BTBD7: variants seen among roughly 807,000 people sequenced by gnomAD.
BTBD7 encodes the protein BTB/POZ domain-containing protein 7.
A neutral mutation model predicts 99.9 loss-of-function variants in BTBD7; 38 were observed. The ratio of observed to expected loss-of-function variants is 0.38; its 90% confidence interval spans 0.29 to 0.50. BTBD7 has a LOEUF of 0.50. BTBD7 is among the 20% of genes least tolerant of loss of function. The pLI is 0.93. For synonymous variants in BTBD7, 520 were observed against 511.4 expected, an observed-to-expected ratio of 1.02 and a Z score of -0.23; for missense variants, 1,170 against 1,394.6, an observed-to-expected ratio of 0.84 and a Z score of 2.57.
intron 1 of BTBD7, among the ~76,000 whole-genome samples, chr14:93,320,849 G>A (rs2053261413): frequency 6.6e-6 from 1 of 151,958 alleles, no homozygotes; most frequent in Non-Finnish European, 1.5e-5. Context: ...AGGTTAAACA[G>A]TATAAATGAT....
intron 1 of BTBD7, among the ~76,000 whole-genome samples, chr14:93,331,072 A>G (rs1019415482): frequency 3.3e-5 from 5 of 152,112 alleles, no homozygotes; most frequent in Non-Finnish European, 5.9e-5. Context: ...TCCAAACGAA[A>G]TATCACTCCG....
chr14:93,312,775 C>A (rs1195271944), intron 1 of BTBD7, among the ~76,000 whole-genome samples: 1 of 152,164 alleles, frequency 6.6e-6, no homozygotes, highest in Non-Finnish European at 1.5e-5. Context: ...TTCTGCCCAG[C>A]CCACTGCCAC....
At position 93,296,141 on chromosome 14, in the gene BTBD7, C is replaced by A; in HGVS notation, c.-90G>T. The stretch of plus-strand genomic sequence containing the variant: ...GAACCTTCAACCCTGGATCCAGCAG[C>A]CTCTTTTCATCCATTTCTTGATATG... On this transcript the variant is annotated 5_prime_UTR_variant, in exon 2 of 11. Transcript: ENST00000334746. 7.2e-7 allele frequency: 1 copy of A among 1,385,644 alleles called. No individual in the cohort carries two copies. The highest frequency in any genetic ancestry group is 9.4e-7 in the Non-Finnish European group (1 of 1,060,898). 85.8% of individuals were successfully genotyped at this position (1,385,644 alleles called of 1,614,324 possible). A position where few individuals can be genotyped will look rare whatever the true frequency, so the allele number is the denominator to read the frequency against.
intron 1 of BTBD7, among the ~76,000 whole-genome samples, chr14:93,301,442 T>TGGCCTC (rs2139784470): frequency 6.6e-6 from 1 of 152,208 alleles, no homozygotes; most frequent in Admixed American, 6.5e-5. Context: ...CCGTCTGCCT[T>TGGCCTC]GGCCTCCCAA....
intron 3 of BTBD7, among the ~76,000 whole-genome samples, chr14:93,272,071 C>T (rs1226753481): frequency 6.6e-6 from 1 of 152,190 alleles, no homozygotes; most frequent in African/African-American, 2.4e-5. Context: ...GTAATCCCAG[C>T]ACTTTGGGAG....
Position 93,245,829 on chromosome 14 carries a change from T to C in BTBD7, c.2579A>G (p.Gln860Arg). Residue 860 changes from glutamine to arginine, a missense_variant, in exon 10 of 11, where the codon CAA becomes CGA. By Grantham distance (43) the Gln-to-Arg change is conservative (BLOSUM62 1). Transcript: ENST00000334746. ...TAAAAAASEK[Q>R]VRTQPVLNDL... is the part of the protein sequence containing the mutation. Reference sequence around the variant, plus strand: ...GTTACTGAAGTGTTGACTTACCACTTGCTTCTCAGATGCTGCTGCTGCTGC... The same window carrying C: ...GTTACTGAAGTGTTGACTTACCACTCGCTTCTCAGATGCTGCTGCTGCTGC... 6.2e-7 allele frequency: 1 copy of C among 1,611,472 alleles called. No homozygotes were observed. The highest frequency in any genetic ancestry group is 1.7e-5 in the Admixed American group (1 of 59,932).
rs2052202231 is a variant in BTBD7, at chr14:93,239,832, G to C, written c.*2441C>G. The C allele has an allele frequency of 6.6e-6, 1 of 152,420 alleles. No homozygotes were observed. Among genetic ancestry groups the C allele is most frequent in the Non-Finnish European group, 1.5e-5 (1 of 68,012 alleles). The allele number at this position is 152,420 out of a possible 1,614,324, so 9.4% of individuals were successfully genotyped here. A position where few individuals can be genotyped will look rare whatever the true frequency, so the allele number is the denominator to read the frequency against. On this transcript the variant is annotated 3_prime_UTR_variant, in exon 11 of 11. Coordinates refer to ENST00000334746, the MANE Select transcript of BTBD7 (RefSeq NM_001002860.4). The stretch of plus-strand genomic sequence containing the variant: ...TGAGAGAATAGTTCATGAATTTTCA[G>C]AAAAATGAATGTGTGGGATCAACAG...
chr14:93,293,893 A>G lies in BTBD7; in HGVS notation c.1127T>C (p.Ile376Thr), dbSNP rs1034777008. 8 of 1,613,594 alleles carry G rather than the reference A, an allele frequency of 5.0e-6. No individual in the cohort carries two copies. The African/African-American group carries it at 6.7e-5, about 13-fold the overall frequency. ...CATGTTAAATTCCAAGAACAGTGCT[A>G]TGTGGTAAAGTTCCATGGCTTCTTC... Reference protein sequence around the residue: ...RAEEAMELYHIALFLEFNMLA... With the variant: ...RAEEAMELYHTALFLEFNMLA... The change falls in exon 3 of 11, where the codon ATA (isoleucine) becomes ACA (threonine). Residue 376 changes from isoleucine (I) to threonine (T), a missense_variant. Around this residue, in one of 4 missense-constraint regions of BTBD7, gnomAD observed 359 missense variants for 497.9 expected, o/e 0.72. Coordinates refer to ENST00000334746, the MANE Select transcript of BTBD7 (RefSeq NM_001002860.4).
intron 3 of BTBD7, among the ~76,000 whole-genome samples, chr14:93,276,892 A>ATTTTT (rs549579457): frequency 2.5e-5 from 2 of 80,368 alleles, no homozygotes; most frequent in Non-Finnish European, 4.5e-5. Flanking sequence ...ACACAGATTA[A>ATTTTT]TTTTTTTTTT....
Position 93,242,026 on chromosome 14 carries a change from T to C in BTBD7, c.*247A>G. ...AGAGAAATAAAAAGTGCCAGCCTGC[T>C]TGTTCTTAAAAATGCCTCCCGACAT... On this transcript the variant is annotated 3_prime_UTR_variant, in exon 11 of 11. Coordinates refer to ENST00000334746, the MANE Select transcript of BTBD7 (RefSeq NM_001002860.4). 2.0e-6 allele frequency: 1 copy of C among 489,404 alleles called. No homozygotes were observed. The highest frequency in any genetic ancestry group is 3.0e-5 in the East Asian group (1 of 33,062). 30.3% of individuals were successfully genotyped at this position (489,404 alleles called of 1,614,324 possible). A position where few individuals can be genotyped will look rare whatever the true frequency, so the allele number is the denominator to read the frequency against.
intron 1 of BTBD7, among the ~76,000 whole-genome samples, chr14:93,309,451 A>G (rs1004136480): frequency 1.3e-5 from 2 of 150,754 alleles, no homozygotes; most frequent in Non-Finnish European, 2.9e-5. Flanking sequence ...CCAAGACCAA[A>G]GACCAGGCCT....
chr14:93,287,109 A>G (rs1476331799), intron 3 of BTBD7, among the ~76,000 whole-genome samples: 2 of 151,904 alleles, frequency 1.3e-5, no homozygotes, highest in African/African-American at 4.8e-5. Flanking sequence ...GGCACCTGTA[A>G]TCCCAGCTAC....
chr14:93,302,853 C>T (rs779651560), intron 1 of BTBD7, among the ~76,000 whole-genome samples: 2 of 151,460 alleles, frequency 1.3e-5, no homozygotes, highest in African/African-American at 2.4e-5. Flanking sequence ...AAAAACAAAA[C>T]AAAAAACCAC....
chr14:93,318,867 G>T (rs942411851), intron 1 of BTBD7, among the ~76,000 whole-genome samples: 3 of 152,178 alleles, frequency 2.0e-5, no homozygotes, highest in Non-Finnish European at 4.4e-5. Context: ...TCTTATTTCA[G>T]TAACTATATA....
intron 3 of BTBD7, among the ~76,000 whole-genome samples, chr14:93,278,005 T>A (rs1053011688): frequency 3.9e-5 from 6 of 152,252 alleles, no homozygotes; most frequent in Non-Finnish European, 7.3e-5. Context: ...ACACCTGTAT[T>A]TTGTTTACTA....
At chr14:93,265,342 C>A (rs568468888) in intron 3 of BTBD7, among the ~76,000 whole-genome samples, 1 of 152,204 alleles carries the variant, frequency 6.6e-6, no homozygotes, top group Non-Finnish European at 1.5e-5. Flanking sequence ...TCATAGAGAA[C>A]CGTATAACTT....
At chr14:93,252,828 GT>G (rs370701439) in intron 7 of BTBD7, among the ~76,000 whole-genome samples, 6 of 146,704 alleles carry the variant, frequency 4.1e-5, no homozygotes, top group East Asian at 2.0e-4. Context: ...TTTGTTTTTT[GT>G]TTTTTTTTTG....
intron 3 of BTBD7, among the ~76,000 whole-genome samples, chr14:93,278,416 A>T (rs1443810670): frequency 4.0e-5 from 6 of 151,722 alleles, no homozygotes; most frequent in Admixed American, 6.6e-5. Context: ...CTCCATATAT[A>T]AAAAAAAAGT....
intron 1 of BTBD7, among the ~76,000 whole-genome samples, chr14:93,316,869 T>C (rs975168234): frequency 2.6e-5 from 4 of 152,084 alleles, no homozygotes; most frequent in Admixed American, 1.3e-4. Context: ...TAGTACTAGA[T>C]TAAATCTGGG....
Sources: gnomAD v4.1 joint callset for allele counts (sites outside exome capture counted in the v4.1 genomes callset) on GRCh38, gnomAD v4.1.1 for gene constraint, gnomAD v4.1.1 regional missense constraint, MANE v1.5 for transcripts, NCBI Gene and HGNC (gene_info 2026-07-23, HGNC 2026-07-21) for gene names.